The following PLPP4 variants were observed in gnomAD, a reference collection of about 807,000 sequenced individuals.
PLPP4 encodes the protein phospholipid phosphatase 4.
A neutral mutation model predicts 32.2 loss-of-function variants in PLPP4; 20 were observed. That is an observed-to-expected ratio of 0.62 (90% confidence interval 0.44 to 0.90). The LOEUF (loss-of-function observed/expected upper bound fraction) is 0.90. Ranked by LOEUF, PLPP4 falls within the 40% of genes least tolerant of loss-of-function variation. PLPP4 has a pLI of 0.00. For synonymous variants in PLPP4, 127 were observed against 133.0 expected (o/e 0.95, Z 0.31); for missense variants, 257 against 353.1 (o/e 0.73, Z 2.18).
intron 2 of PLPP4, among the ~76,000 whole-genome samples, chr10:120,506,803 A>G (rs1845512471): frequency 6.6e-6 from 1 of 152,234 alleles, no homozygotes; most frequent in Non-Finnish European, 1.5e-5. Flanking sequence ...TGGCACCATT[A>G]GCTCAGGTGA....
intron 1 of PLPP4, among the ~76,000 whole-genome samples, chr10:120,474,551 T>C (rs1843811289): frequency 6.6e-6 from 1 of 152,212 alleles, no homozygotes; most frequent in Admixed American, 6.5e-5. Context: ...TTTCATTCAT[T>C]CTTGTGGACC....
At chr10:120,542,093 T>G (rs1241015362) in intron 5 of PLPP4, among the ~76,000 whole-genome samples, 1 of 152,202 alleles carries the variant, frequency 6.6e-6, no homozygotes, top group Non-Finnish European at 1.5e-5. Flanking sequence ...GGTGGCCACA[T>G]GTAATGAGCA....
intron 2 of PLPP4, 63 bp from the exon 3 acceptor site, chr10:120,513,848 T>C: frequency 2.4e-6 from 3 of 1,241,700 alleles, no homozygotes; most frequent in Non-Finnish European, 2.4e-6. Context: ...GAACTAATTA[T>C]CAATCAGCCC....
At chr10:120,471,719 G>T (rs1304059821) in intron 1 of PLPP4, among the ~76,000 whole-genome samples, 1 of 151,860 alleles carries the variant, frequency 6.6e-6, no homozygotes, top group Non-Finnish European at 1.5e-5. Flanking sequence ...TAATTGGAGT[G>T]GTTAAGCCAT....
chr10:120,497,449 A>G (rs1845022756), intron 1 of PLPP4, among the ~76,000 whole-genome samples: 1 of 151,844 alleles, frequency 6.6e-6, no homozygotes, highest in South Asian at 2.1e-4. Context: ...GTGTGTGTTT[A>G]TGTGTGTGGG....
intron 2 of PLPP4, among the ~76,000 whole-genome samples, chr10:120,507,340 GTTC>G (rs1207541138): frequency 2.1e-5 from 3 of 140,832 alleles, no homozygotes; most frequent in Non-Finnish European, 3.1e-5. Context: ...TTCTAGGGAA[GTTC>G]TTCATCATCA....
chr10:120,514,071 CTCA>C lies in PLPP4; in HGVS notation c.256+71_256+73del, dbSNP rs1845838373. On this transcript the variant is annotated intron_variant, in intron 3 of 6. Transcript: ENST00000398250. ...AATTAGATGATCACATTTAAGAAAT[CTCA>C]GTTACACCCAACTGATTTTTTTCTT... The C allele has an allele frequency of 4.5e-5, 51 of 1,137,246 alleles. No individual in the cohort carries two copies. The Admixed American group carries it at 8.5e-4, about 19-fold the overall frequency. 70.4% of individuals were successfully genotyped at this position (1,137,246 alleles called of 1,614,324 possible).
intron 6 of PLPP4, 54 bp downstream of exon 6, chr10:120,575,355 C>T: frequency 3.8e-6 from 6 of 1,562,302 alleles, no homozygotes; most frequent in Non-Finnish European, 5.3e-6. Flanking sequence ...CCCTCTCCTC[C>T]AGGGATGGGT....
chr10:120,461,480 C>T (rs11199349), intron 1 of PLPP4, among the ~76,000 whole-genome samples: 3,069 of 152,302 alleles, frequency 0.02, 44 homozygotes, highest in Middle Eastern at 0.034. Flanking sequence ...ATCTGCCCTT[C>T]TCCCTATCCC....
rs1847163086 is a variant in PLPP4, at chr10:120,538,404, T to C, written c.445+17309T>C. On this transcript the variant is annotated intron_variant, in intron 5 of 6. Coordinates refer to ENST00000398250, the MANE Select transcript of PLPP4 (RefSeq NM_001030059.3). Reference sequence around the variant, plus strand: ...ATGATTCAGACCAATGCTTCTTTCCTTTCATCAGCCTTCGGAGTCTGCTAA... The same window carrying C: ...ATGATTCAGACCAATGCTTCTTTCCCTTCATCAGCCTTCGGAGTCTGCTAA... Among the ~76,000 whole-genome samples, 3 of 152,216 alleles carry C rather than the reference T, an allele frequency of 2.0e-5. No homozygotes were observed. In the South Asian group the frequency reaches 6.2e-4, roughly 32 times the overall value.
chr10:120,470,614 G>T (rs1848473356), intron 1 of PLPP4, among the ~76,000 whole-genome samples: 1 of 151,988 alleles, frequency 6.6e-6, no homozygotes, highest in Admixed American at 6.6e-5. Context: ...CCCCTCAAAT[G>T]GTTTGTCGGT....
intron 5 of PLPP4, among the ~76,000 whole-genome samples, chr10:120,524,080 T>G (rs907390691): frequency 2.6e-5 from 4 of 152,214 alleles, no homozygotes; most frequent in Admixed American, 2.6e-4. Flanking sequence ...ATCCTTTGCT[T>G]ATGATGCTGC....
intron 1 of PLPP4, among the ~76,000 whole-genome samples, chr10:120,461,983 C>G (rs2182514): frequency 6.6e-6 from 1 of 152,000 alleles, no homozygotes; most frequent in African/African-American, 2.4e-5. Context: ...CAAAAACAGA[C>G]TCATCTTTAC....
chr10:120,539,249 T>C (rs1424893424), intron 5 of PLPP4, among the ~76,000 whole-genome samples: 1 of 152,176 alleles, frequency 6.6e-6, no homozygotes, highest in Non-Finnish European at 1.5e-5. Context: ...CTAGAGCCAC[T>C]GCTGTTAGAG....
chr10:120,477,253 GA>G (rs370012821), intron 1 of PLPP4, among the ~76,000 whole-genome samples: 1 of 59,222 alleles, frequency 1.7e-5, no homozygotes, highest in African/African-American at 4.1e-5. Flanking sequence ...AAAAAGAAAA[GA>G]AAAAAAACCT....
intron 5 of PLPP4, among the ~76,000 whole-genome samples, chr10:120,547,877 G>T (rs1847706874): frequency 6.6e-6 from 1 of 152,036 alleles, no homozygotes; most frequent in African/African-American, 2.4e-5. Context: ...TCTAAGCTTT[G>T]ATTTTCTATT....
intron 1 of PLPP4, among the ~76,000 whole-genome samples, chr10:120,498,409 A>G (rs1315204601): frequency 2.0e-5 from 3 of 152,228 alleles, no homozygotes; most frequent in Non-Finnish European, 4.4e-5. Flanking sequence ...GTGTCATTAA[A>G]TAGCATTTTT....
intron 1 of PLPP4, among the ~76,000 whole-genome samples, chr10:120,503,135 T>A (rs1355005611): frequency 1.3e-5 from 2 of 152,218 alleles, no homozygotes; most frequent in Non-Finnish European, 2.9e-5. Context: ...GGAATTCTCA[T>A]TCCATGCTCC....
intron 5 of PLPP4, among the ~76,000 whole-genome samples, chr10:120,524,211 T>G (rs964646089): frequency 6.6e-6 from 1 of 152,188 alleles, no homozygotes; most frequent in South Asian, 2.1e-4. Context: ...GTGATTGGCT[T>G]GAAGGGAGTG....
Sources: allele counts gnomAD v4.1 joint callset (sites outside exome capture counted in the v4.1 genomes callset), GRCh38; gene constraint gnomAD v4.1.1; transcripts MANE v1.5; gene names NCBI Gene and HGNC (gene_info 2026-07-23, HGNC 2026-07-21).